FHIT: variants seen among roughly 807,000 people sequenced by gnomAD.
FHIT encodes fragile histidine triad diadenosine triphosphatase, also known as bis(5'-adenosyl)-triphosphatase.
In FHIT, 19 loss-of-function variants were observed where a neutral mutation model predicts 17.9. The ratio of observed to expected loss-of-function variants is 1.06; its 90% CI spans 0.74 to 1.56. FHIT has a LOEUF of 1.56. Ranked by LOEUF, FHIT falls within the 40% of genes most tolerant of loss-of-function variation. The probability of loss-of-function intolerance (pLI) is 0.00; values close to 1 mark genes in which losing one functional copy is unlikely to be tolerated. For missense variants in FHIT, 248 were observed against 189.2 expected (o/e 1.31, Z -1.82); for synonymous variants, 81 against 69.7 (o/e 1.16, Z -0.81).
At chr3:60,538,737 T>C (rs1455647459) in intron 4 of FHIT, among the ~76,000 whole-genome samples, 1 of 152,230 alleles carries the variant, frequency 6.6e-6, no homozygotes, top group Non-Finnish European at 1.5e-5. Flanking sequence ...TGGCTAGCCC[T>C]ATGTAGAAAG....
chr3:60,818,415 C>T (rs782035387), intron 4 of FHIT, among the ~76,000 whole-genome samples: 35 of 152,196 alleles, frequency 2.3e-4, no homozygotes, highest in Non-Finnish European at 4.0e-4. Flanking sequence ...TATTTATACT[C>T]AAATTTAAAA....
chr3:60,425,218 T>C (rs1702618801), intron 5 of FHIT, among the ~76,000 whole-genome samples: 1 of 152,162 alleles, frequency 6.6e-6, no homozygotes, highest in African/African-American at 2.4e-5. Context: ...CAGGGCTGAC[T>C]ATTCAGATGG....
chr3:60,493,415 A>C (rs1294652447), intron 5 of FHIT, among the ~76,000 whole-genome samples: 2 of 152,198 alleles, frequency 1.3e-5, no homozygotes, highest in East Asian at 3.8e-4. Flanking sequence ...CAGGCAAGCC[A>C]ATATATGCTT....
chr3:60,538,649 T>C (rs1317761821), intron 4 of FHIT, among the ~76,000 whole-genome samples: 2 of 152,126 alleles, frequency 1.3e-5, no homozygotes, highest in African/African-American at 2.4e-5. Flanking sequence ...CATCTACAAC[T>C]ATCTGATCTT....
intron 6 of FHIT, among the ~76,000 whole-genome samples, chr3:60,012,270 T>G (rs866280762): frequency 1.5e-4 from 22 of 145,698 alleles, no homozygotes; most frequent in South Asian, 1.1e-3. Context: ...TTTGTTGTTT[T>G]TTTTTTTTTT....
chr3:60,324,890 CT>C (rs1262227267), intron 5 of FHIT, among the ~76,000 whole-genome samples: 1 of 152,058 alleles, frequency 6.6e-6, no homozygotes, highest in African/African-American at 2.4e-5. Context: ...AGATTCAAAT[CT>C]TTTTAAGGGT....
intron 5 of FHIT, among the ~76,000 whole-genome samples, chr3:60,436,109 C>T (rs1353739095): frequency 6.6e-6 from 1 of 152,010 alleles, no homozygotes; most frequent in Admixed American, 6.6e-5. Flanking sequence ...GTAGCACGAT[C>T]TTGGCTCAGC....
At chr3:60,538,126 A>C (rs578109071) in intron 4 of FHIT, among the ~76,000 whole-genome samples, 11 of 152,290 alleles carry the variant, frequency 7.2e-5, no homozygotes, top group African/African-American at 2.6e-4. Context: ...AGAAGGACCA[A>C]GCACACTTAT....
chr3:60,948,697 G>T (rs542721267), intron 3 of FHIT, among the ~76,000 whole-genome samples: 31 of 152,282 alleles, frequency 2.0e-4, no homozygotes, highest in Non-Finnish European at 4.0e-4. Context: ...CCCTCTGGTG[G>T]AGGAAGTATT....
In FHIT at chr3:60,905,601, T is replaced by C. The variant is rs574391433; in HGVS notation, c.-110-83590A>G. Among the ~76,000 whole-genome samples the C allele has an allele frequency of 6.8e-4, 104 of 152,292 alleles. 2 individuals are homozygous for C. The highest frequency in any genetic ancestry group is 8.7e-4 in the Non-Finnish European group (59 of 68,000). On this transcript the variant is annotated intron_variant, in intron 3 of 9. Transcript: ENST00000492590. ...AAATGCCATCCATAGATACAATCAA[T>C]AGTAGTCCTTTGTGTGAACAACCAA...
At chr3:60,756,524 A>G (rs1195943508) in intron 4 of FHIT, among the ~76,000 whole-genome samples, 1 of 152,232 alleles carries the variant, frequency 6.6e-6, no homozygotes, top group Non-Finnish European at 1.5e-5. Context: ...AAAGCCTTCC[A>G]GCAAGATTCT....
chr3:60,643,482 T>A (rs2039777536), intron 4 of FHIT, among the ~76,000 whole-genome samples: 1 of 152,104 alleles, frequency 6.6e-6, no homozygotes, highest in Admixed American at 6.6e-5. Flanking sequence ...TTAAGGCATA[T>A]TACCCGACTT....
chr3:59,850,805 T>C (rs1318494739), intron 8 of FHIT, among the ~76,000 whole-genome samples: 1 of 152,180 alleles, frequency 6.6e-6, no homozygotes, highest in Non-Finnish European at 1.5e-5. Flanking sequence ...TCTGCATTTG[T>C]AAATGTGTTG....
intron 7 of FHIT, among the ~76,000 whole-genome samples, chr3:59,935,352 G>A (rs1188913537): frequency 2.0e-5 from 3 of 152,074 alleles, no homozygotes; most frequent in Non-Finnish European, 2.9e-5. Context: ...CCTTCCATGT[G>A]GAGTTCCTTT....
At chr3:60,275,501 C>G (rs1274086414) in intron 5 of FHIT, among the ~76,000 whole-genome samples, 2 of 152,172 alleles carry the variant, frequency 1.3e-5, no homozygotes, top group Non-Finnish European at 2.9e-5. Flanking sequence ...TCCTATAGAT[C>G]TAAAATCATA....
Position 60,001,884 on chromosome 3 carries a change from G to A in FHIT, c.279+9487C>T, listed in dbSNP as rs372277086. Among the ~76,000 whole-genome samples, 39 of 152,178 alleles carry A rather than the reference G, an allele frequency of 2.6e-4. No individual in the cohort carries two copies. In the East Asian group the frequency reaches 3.7e-3, roughly 14 times the overall value. On this transcript the variant is annotated intron_variant, in intron 7 of 9. Transcript: ENST00000492590. ...TTTATACCATTTACAACCAACAGAC[G>A]AATTTAAACGCAAATAAAAGCCCCT...
chr3:60,933,874 A>AT (rs1291574943), intron 3 of FHIT, among the ~76,000 whole-genome samples: 2 of 151,896 alleles, frequency 1.3e-5, no homozygotes, highest in Non-Finnish European at 2.9e-5. Context: ...TCAAATGTTG[A>AT]TTTTCTTCAG....
chr3:60,764,282 T>C (rs902167064), intron 4 of FHIT, among the ~76,000 whole-genome samples: 5 of 151,934 alleles, frequency 3.3e-5, no homozygotes, highest in Non-Finnish European at 5.9e-5. Context: ...CTAGACACAC[T>C]GTAATTGCAT....
At chr3:61,178,975 A>C (rs962781917) in intron 2 of FHIT, among the ~76,000 whole-genome samples, 1 of 149,704 alleles carries the variant, frequency 6.7e-6, no homozygotes, top group Non-Finnish European at 1.5e-5. Context: ...TTTGTTTGAC[A>C]TCCACAAGCC....
Sources: allele counts gnomAD v4.1 joint callset (sites outside exome capture counted in the v4.1 genomes callset), GRCh38; gene constraint gnomAD v4.1.1; transcripts MANE v1.5; gene names NCBI Gene and HGNC (gene_info 2026-07-23, HGNC 2026-07-21).